The following SNRK variants were observed in gnomAD, a reference collection of about 807,000 sequenced individuals.
SNRK encodes SNF-related serine/threonine-protein kinase.
Under a neutral mutation model 48.2 loss-of-function variants are expected in SNRK, and 3 were observed. That is an observed-to-expected ratio of 0.06 (90% CI 0.03 to 0.16). The LOEUF is 0.16. Ranked by LOEUF, SNRK falls within the 10% of genes least tolerant of loss-of-function variation. SNRK has a pLI of 1.00. For synonymous variants in SNRK, 376 were observed against 366.1 expected (o/e 1.03, Z -0.31); for missense variants, 627 against 976.0 (o/e 0.64, Z 4.76).
chr3:43,339,645 G>A (rs753330148), intron 4 of SNRK, among the ~76,000 whole-genome samples: 1 of 151,024 alleles, frequency 6.6e-6, no homozygotes, highest in Non-Finnish European at 1.5e-5. Flanking sequence ...GTGAAACCCC[G>A]TCTCTACCAA....
chr3:43,287,794 C>T (rs2090778007), intron 1 of SNRK, among the ~76,000 whole-genome samples: 1 of 152,170 alleles, frequency 6.6e-6, no homozygotes, highest in Non-Finnish European at 1.5e-5. Context: ...ATATATACAG[C>T]AGTGTACTTT....
rs1048793179 is a variant in SNRK, at chr3:43,347,217, A to G, written c.1080-122A>G. On this transcript the variant is annotated intron_variant, in intron 6 of 6. Coordinates refer to ENST00000296088, the MANE Select transcript of SNRK (RefSeq NM_017719.5). The surrounding 1 kb of genome is among the most constrained non-coding windows in gnomAD (Gnocchi z 5.4). Reference sequence around the variant, plus strand: ...TTACAGGATGTTGAATGGGTTTGCAAGGCTGCTGCTTTTTTCTTTAAGTCT... The same window carrying G: ...TTACAGGATGTTGAATGGGTTTGCAGGGCTGCTGCTTTTTTCTTTAAGTCT... 2.4e-5 allele frequency: 26 copies of G among 1,082,298 alleles called. No individual in the cohort carries two copies. In the East Asian group the frequency reaches 6.2e-4, roughly 26 times the overall value. The allele number at this position is 1,082,298 out of a possible 1,614,324, so 67.0% of individuals were successfully genotyped here.
At chr3:43,319,729 CAG>C (rs1475030312) in intron 3 of SNRK, among the ~76,000 whole-genome samples, 3 of 152,162 alleles carry the variant, frequency 2.0e-5, no homozygotes, top group Admixed American at 1.3e-4. Flanking sequence ...TTAATGTTAA[CAG>C]AGATGAACCA....
intron 3 of SNRK, among the ~76,000 whole-genome samples, chr3:43,327,391 C>T (rs2091104470): frequency 6.6e-6 from 1 of 152,206 alleles, no homozygotes; most frequent in Non-Finnish European, 1.5e-5. Context: ...AAAGTGATTG[C>T]ATAAATCCTG....
chr3:43,336,491 C>CT (rs1444690859), intron 4 of SNRK, among the ~76,000 whole-genome samples: 1 of 152,144 alleles, frequency 6.6e-6, no homozygotes, highest in East Asian at 1.9e-4. Flanking sequence ...GCCACCATGC[C>CT]TGGCTAATAT....
intron 4 of SNRK, among the ~76,000 whole-genome samples, chr3:43,338,838 A>G (rs1353754014): frequency 3.3e-5 from 5 of 152,270 alleles, no homozygotes; most frequent in South Asian, 2.1e-4. Flanking sequence ...AATTTTATGT[A>G]TAGTAGCTTT....
intron 3 of SNRK, among the ~76,000 whole-genome samples, chr3:43,327,653 C>A (rs2091106123): frequency 6.6e-6 from 1 of 152,086 alleles, no homozygotes; most frequent in Non-Finnish European, 1.5e-5. Flanking sequence ...TCTCAGTAGT[C>A]CTGAAGTCCC....
chr3:43,293,760 A>T (rs187178616), intron 1 of SNRK, among the ~76,000 whole-genome samples: 223 of 152,124 alleles, frequency 1.5e-3, no homozygotes, highest in Non-Finnish European at 2.6e-3. Flanking sequence ...ACTAAAAAAA[A>T]AAATTAAAAT....
At chr3:43,339,146 T>G (rs560634281) in intron 4 of SNRK, among the ~76,000 whole-genome samples, 114 of 152,296 alleles carry the variant, frequency 7.5e-4, no homozygotes, top group African/African-American at 2.6e-3. Flanking sequence ...TGCCTAGGAG[T>G]GCTTCCAGCT....
At chr3:43,311,463 A>G (rs2090978516) in intron 3 of SNRK, among the ~76,000 whole-genome samples, 1 of 152,128 alleles carries the variant, frequency 6.6e-6, no homozygotes, top group African/African-American at 2.4e-5. Context: ...ATGCTCATGC[A>G]CTATTGATTC....
Position 43,303,539 on chromosome 3 carries a change from T to G in SNRK, c.336T>G (p.Asn112Lys). Residue 112 changes from asparagine to lysine, a missense_variant, in exon 3 of 7, where the codon AAT (asparagine) becomes AAG (lysine). By Grantham distance (94) the Asn-to-Lys change is moderately conservative (BLOSUM62 0). Coordinates refer to ENST00000296088, the MANE Select transcript of SNRK (RefSeq NM_017719.5). The surrounding 1 kb of genome is among the most constrained non-coding windows in gnomAD (Gnocchi z 6.2). ...DYIMKHEEGLNEDLAKKYFAQ... is the reference protein window; with the variant it reads ...DYIMKHEEGLKEDLAKKYFAQ... ...TAATGAAACATGAGGAGGGTCTTAA[T>G]GAAGACTTGGCCAAGAAGTATTTTG... 6.2e-7 allele frequency: 1 copy of G among 1,614,158 alleles called. No homozygotes were observed. The highest frequency in any genetic ancestry group is 8.5e-7 in the Non-Finnish European group (1 of 1,180,028).
chr3:43,305,420 G>A (rs1244037478), intron 3 of SNRK, among the ~76,000 whole-genome samples: 1 of 151,684 alleles, frequency 6.6e-6, no homozygotes, highest in African/African-American at 2.4e-5. Flanking sequence ...GATCTCACAA[G>A]CATACTTTTT....
intron 3 of SNRK, among the ~76,000 whole-genome samples, chr3:43,325,911 C>T (rs921815822): frequency 3.9e-5 from 6 of 152,112 alleles, no homozygotes; most frequent in Non-Finnish European, 8.8e-5. Flanking sequence ...ATGCTATTTT[C>T]ATTAGGCCAC....
intron 3 of SNRK, among the ~76,000 whole-genome samples, chr3:43,305,848 C>G (rs550056690): frequency 6.6e-6 from 1 of 152,168 alleles, no homozygotes; most frequent in Admixed American, 6.5e-5. Context: ...AGTACATGAA[C>G]ATGTAGTACA....
chr3:43,347,354 C>A lies in SNRK; in HGVS notation c.1095C>A (p.Thr365=). ...TGTTACATAGGCAGTCATGGCCAAC[C>A]AAAATTGATGTACCCCAGGACCTTG... ...IKAQFRQSWP[T]KIDVPQDLED... The change falls in exon 7 of 7, where the codon ACC becomes ACA. Residue 365 remains threonine, a synonymous_variant. Transcript: ENST00000296088. This position sits in a 1 kb window ranked among gnomAD's most constrained non-coding sequence, Gnocchi z 5.4. The A allele has an allele frequency of 6.4e-7, 1 of 1,569,170 alleles. No homozygotes were observed. Among genetic ancestry groups the A allele is most frequent in the Admixed American group, 1.9e-5 (1 of 52,758 alleles).
chr3:43,299,851 T>TTA (rs1235332846), intron 2 of SNRK, 36 bp downstream of exon 2: 1 of 152,638 alleles, frequency 6.6e-6, no homozygotes, highest in Non-Finnish European at 1.5e-5. Context: ...CACCTTTACT[T>TTA]TATATAAGCC....
chr3:43,335,923 CT>C (rs2091184488), intron 4 of SNRK, among the ~76,000 whole-genome samples: 1 of 152,114 alleles, frequency 6.6e-6, no homozygotes, highest in South Asian at 2.1e-4. Flanking sequence ...TCTTTCTTTT[CT>C]TAAACTTCCC....
chr3:43,339,731 G>A (rs2091218111), intron 4 of SNRK, among the ~76,000 whole-genome samples: 1 of 149,176 alleles, frequency 6.7e-6, no homozygotes, highest in African/African-American at 2.5e-5. Flanking sequence ...CAGGAGAATT[G>A]CTTGAACCCA....
intron 3 of SNRK, among the ~76,000 whole-genome samples, chr3:43,328,678 C>G (rs894659958): frequency 1.3e-5 from 2 of 152,112 alleles, no homozygotes; most frequent in Non-Finnish European, 2.9e-5. Context: ...GAATCATCAC[C>G]TTTTTTTAAA....
Sources: gnomAD v4.1 joint callset for allele counts (sites outside exome capture counted in the v4.1 genomes callset) on GRCh38, gnomAD v4.1.1 for gene constraint, Gnocchi (gnomAD v3.1) non-coding constraint, MANE v1.5 for transcripts, NCBI Gene and HGNC (gene_info 2026-07-23, HGNC 2026-07-21) for gene names.